Variants in GALNTL6 observed in about 807,000 individuals in gnomAD.
GALNTL6 encodes polypeptide N-acetylgalactosaminyltransferase like 6.
In GALNTL6, 46 loss-of-function variants were observed where a neutral mutation model predicts 73.7. The observed-to-expected ratio is 0.62, with a 90% CI of 0.49 to 0.80. GALNTL6 has a LOEUF of 0.80. Among genes scored for constraint, GALNTL6 ranks in the 30% least tolerant of loss-of-function variants. The pLI is 0.00. For missense variants in GALNTL6, 604 were observed against 755.0 expected, an observed-to-expected ratio of 0.80 and a Z score of 2.34; for synonymous variants, 259 against 263.7, an observed-to-expected ratio of 0.98 and a Z score of 0.17.
At chr4:172,376,319 T>A (rs1159804402) in intron 5 of GALNTL6, among the ~76,000 whole-genome samples, 1 of 152,042 alleles carries the variant, frequency 6.6e-6, no homozygotes, top group Non-Finnish European at 1.5e-5. Context: ...AGGGTCAGGG[T>A]AGATAGAATA....
At chr4:171,909,688 G>T (rs142742746) in intron 2 of GALNTL6, among the ~76,000 whole-genome samples, 1 of 152,104 alleles carries the variant, frequency 6.6e-6, no homozygotes, top group Non-Finnish European at 1.5e-5. Context: ...AAGAAGAATA[G>T]GAAGTCTAGC....
At chr4:172,705,221 T>TG (rs1553975293) in intron 5 of GALNTL6, among the ~76,000 whole-genome samples, 6 of 147,362 alleles carry the variant, frequency 4.1e-5, no homozygotes, top group South Asian at 4.2e-4. Flanking sequence ...CTATTTTTTT[T>TG]TTGTTTTATG....
intron 2 of GALNTL6, among the ~76,000 whole-genome samples, chr4:171,841,821 G>A (rs898655164): frequency 3.3e-5 from 5 of 151,626 alleles, no homozygotes; most frequent in Admixed American, 3.3e-4. Flanking sequence ...TTTTTTAATT[G>A]AAAAAATAAA....
intron 5 of GALNTL6, among the ~76,000 whole-genome samples, chr4:172,575,669 A>G (rs1487269832): frequency 6.6e-6 from 1 of 152,208 alleles, no homozygotes; most frequent in Non-Finnish European, 1.5e-5. Context: ...TTTTGTCTGT[A>G]GCACTGACAC....
intron 8 of GALNTL6, among the ~76,000 whole-genome samples, chr4:172,917,223 C>T (rs928194521): frequency 4.6e-5 from 7 of 152,162 alleles, no homozygotes; most frequent in Non-Finnish European, 7.3e-5. Flanking sequence ...TGATCCTTTC[C>T]TTACACCTTA....
chr4:172,039,349 G>T (rs1295394554), intron 2 of GALNTL6, among the ~76,000 whole-genome samples: 1 of 152,182 alleles, frequency 6.6e-6, no homozygotes, highest in Non-Finnish European at 1.5e-5. Context: ...AATGACAGAA[G>T]CTGAGAAGCT....
At chr4:172,849,916 G>GA (rs1743724472) in intron 7 of GALNTL6, among the ~76,000 whole-genome samples, 1 of 152,130 alleles carries the variant, frequency 6.6e-6, no homozygotes, top group African/African-American at 2.4e-5. Context: ...AGGTTGTCGA[G>GA]AATCTTTAAC....
chr4:172,256,371 C>A (rs1738079998), intron 3 of GALNTL6, among the ~76,000 whole-genome samples: 1 of 151,436 alleles, frequency 6.6e-6, no homozygotes, highest in Non-Finnish European at 1.5e-5. Flanking sequence ...CCTCTGTAGT[C>A]CATTATTTTC....
chr4:172,413,810 A>C (rs2111348546), intron 5 of GALNTL6, among the ~76,000 whole-genome samples: 1 of 152,276 alleles, frequency 6.6e-6, no homozygotes, highest in East Asian at 1.9e-4. Context: ...TTGACACATC[A>C]GAAAAATTTC....
rs138771920 is a variant in GALNTL6 at position 172,309,926 on chromosome 4, G to A, written c.248-1688G>A. 3.0e-3 allele frequency among the ~76,000 whole-genome samples: 451 copies of A among 151,960 alleles called. 4 individuals are homozygous for A. The highest frequency in any genetic ancestry group is 0.01 in the African/African-American group (423 of 41,498). The stretch of plus-strand genomic sequence containing the variant: ...TAAAAGAATGAAAATTGTATAAAAC[G>A]CCACTGAGGTCCAAAAGCAGAACAC... On this transcript the variant is annotated intron_variant, in intron 3 of 12. Transcript: ENST00000506823.
chr4:172,815,340 C>A (rs537255789), intron 7 of GALNTL6, among the ~76,000 whole-genome samples: 1 of 151,974 alleles, frequency 6.6e-6, no homozygotes, highest in East Asian at 1.9e-4. Context: ...TTAAAACATG[C>A]GTGTGGAGAG....
intron 5 of GALNTL6, among the ~76,000 whole-genome samples, chr4:172,808,811 C>T (rs1276939340): frequency 6.6e-6 from 1 of 152,216 alleles, no homozygotes; most frequent in African/African-American, 2.4e-5. Flanking sequence ...CAGCCAGTCA[C>T]CTTTCCACTT....
At chr4:172,566,473 T>G (rs188734718) in intron 5 of GALNTL6, among the ~76,000 whole-genome samples, 229 of 151,954 alleles carry the variant, frequency 1.5e-3, no homozygotes, top group African/African-American at 5.2e-3. Context: ...AATGGAAATT[T>G]AAAAAATACC....
intron 2 of GALNTL6, among the ~76,000 whole-genome samples, chr4:171,926,293 T>C (rs1466323788): frequency 6.6e-6 from 1 of 152,196 alleles, no homozygotes; most frequent in South Asian, 2.1e-4. Flanking sequence ...TATTTGGCAA[T>C]GCAATTTTTC....
At chr4:172,464,081 A>G (rs558213311) in intron 5 of GALNTL6, among the ~76,000 whole-genome samples, 7 of 151,594 alleles carry the variant, frequency 4.6e-5, no homozygotes, top group Non-Finnish European at 7.4e-5. Context: ...GGCATTTTTT[A>G]TATGAGACAG....
chr4:172,788,927 G>A (rs1265052998), intron 5 of GALNTL6, among the ~76,000 whole-genome samples: 2 of 152,010 alleles, frequency 1.3e-5, no homozygotes, highest in African/African-American at 4.8e-5. Context: ...AATATTTACT[G>A]AGTATCTAAG....
intron 2 of GALNTL6, among the ~76,000 whole-genome samples, chr4:172,187,838 A>T (rs1375046576): frequency 6.6e-6 from 1 of 152,100 alleles, no homozygotes; most frequent in Non-Finnish European, 1.5e-5. Flanking sequence ...GTTGAAGGTT[A>T]TGTTTGTCCT....
intron 5 of GALNTL6, among the ~76,000 whole-genome samples, chr4:172,744,840 CGTGTGTGTGTGTGTGT>C (rs3084334): frequency 6.7e-6 from 1 of 149,368 alleles, no homozygotes; most frequent in South Asian, 2.1e-4. Context: ...AGTGCGCGTG[CGTGTGTGTGTGTGTGT>C]GTGTGTGTGT....
intron 3 of GALNTL6, among the ~76,000 whole-genome samples, chr4:172,295,754 C>T (rs955866858): frequency 1.3e-5 from 2 of 151,620 alleles, no homozygotes; most frequent in African/African-American, 4.8e-5. Flanking sequence ...CAGGTCTACC[C>T]ACCACCATTA....
Sources: allele counts gnomAD v4.1 joint callset (sites outside exome capture counted in the v4.1 genomes callset), GRCh38; gene constraint gnomAD v4.1.1; transcripts MANE v1.5; gene names NCBI Gene and HGNC (gene_info 2026-07-23, HGNC 2026-07-21).